ZNF525: variants seen among roughly 807,000 people sequenced by gnomAD.
ZNF525 encodes zinc finger protein 525.
In ZNF525, 33 loss-of-function variants were observed where a neutral mutation model predicts 37.6. The ratio of observed to expected loss-of-function variants is 0.88; its 90% CI spans 0.67 to 1.17. The LOEUF is 1.17. Ranked by LOEUF, ZNF525 falls within the 50% of genes most tolerant of loss-of-function variation. The pLI is 0.00. For synonymous variants in ZNF525, 170 were observed against 182.3 expected, an observed-to-expected ratio of 0.93 and a Z score of 0.54; for missense variants, 449 against 543.1, an observed-to-expected ratio of 0.83 and a Z score of 1.72.
At chr19:53,376,832 C>T (rs1414955950) in intron 3 of ZNF525, among the ~76,000 whole-genome samples, 1 of 152,120 alleles carries the variant, frequency 6.6e-6, no homozygotes, top group African/African-American at 2.4e-5. Context: ...TAGCCAGACA[C>T]GGTCGTGGGT....
At chr19:53,380,546 T>A (rs1600025263) in intron 3 of ZNF525, among the ~76,000 whole-genome samples, 176 bp from the exon 4 acceptor site, 1 of 152,214 alleles carries the variant, frequency 6.6e-6, no homozygotes, top group African/African-American at 2.4e-5. Context: ...TGCCCTTCAG[T>A]GTTTTGTCAT....
chr19:53,366,623 G>GGACA (rs1206533596), intron 1 of ZNF525, among the ~76,000 whole-genome samples: 12 of 151,276 alleles, frequency 7.9e-5, no homozygotes, highest in African/African-American at 2.4e-4. Context: ...GAGAGATGAA[G>GGACA]GACAGCAAGG....
intron 1 of ZNF525, among the ~76,000 whole-genome samples, chr19:53,366,008 G>T (rs1469603892): frequency 6.6e-6 from 1 of 152,080 alleles, no homozygotes; most frequent in African/African-American, 2.4e-5. Flanking sequence ...TAGTTTTCCT[G>T]CTCTAAACCT....
At position 53,372,237 on chromosome 19, in the gene ZNF525, G is replaced by A. The variant is rs1483108301; in HGVS notation, c.-45G>A. The A allele has an allele frequency of 2.7e-6, 2 of 733,788 alleles. No individual in the cohort carries two copies. Among genetic ancestry groups the A allele is most frequent in the Admixed American group, 2.0e-5 (1 of 50,744 alleles). The allele number at this position is 733,788 out of a possible 1,614,324, so 45.5% of individuals were successfully genotyped here. ...CAGGATTGACATCTAAAGACTCTTG[G>A]TACATGAGGAAGAAACCCGGAAAAG... On this transcript the variant is annotated 5_prime_UTR_variant, in exon 2 of 4. Coordinates refer to ENST00000474037, the MANE Select transcript of ZNF525 (RefSeq NM_001348156.2).
rs547664396 is a variant in ZNF525 at position 53,385,566 on chromosome 19, C to T, written c.*3547C>T. On this transcript the variant is annotated 3_prime_UTR_variant, in exon 4 of 4. Transcript: ENST00000474037. Reference sequence around the variant, plus strand: ...GCTGGGCATGGTGGCACATGCCTGCCGTCTCAGTTATTGTGAAGTCTGTGC... The same window carrying T: ...GCTGGGCATGGTGGCACATGCCTGCTGTCTCAGTTATTGTGAAGTCTGTGC... 70 of 153,114 alleles carry T rather than the reference C, an allele frequency of 4.6e-4. No individual in the cohort carries two copies. The highest frequency in any genetic ancestry group is 7.4e-4 in the Non-Finnish European group (51 of 68,942). 9.5% of individuals were successfully genotyped at this position (153,114 alleles called of 1,614,324 possible).
chr19:53,375,999 G>A (rs1158859097), intron 3 of ZNF525, 103 bp downstream of exon 3: 2 of 1,587,600 alleles, frequency 1.3e-6, no homozygotes, highest in Non-Finnish European at 1.7e-6. Context: ...CAAGGGTGGG[G>A]TGCAATGGTG....
intron 3 of ZNF525, among the ~76,000 whole-genome samples, chr19:53,376,786 CGTG>C (rs774799571): frequency 1.3e-5 from 2 of 152,126 alleles, no homozygotes; most frequent in African/African-American, 4.8e-5. Context: ...GCCTGTCTAA[CGTG>C]GTGAAACTCC....
chr19:53,366,731 A>C (rs1281876499), intron 1 of ZNF525, among the ~76,000 whole-genome samples: 38 of 150,022 alleles, frequency 2.5e-4, no homozygotes, highest in African/African-American at 8.8e-4. Context: ...GCTGGTGGCA[A>C]AGAGAACAGA....
At position 53,372,232 on chromosome 19, in the gene ZNF525, T is replaced by G. The variant is rs776581011; in HGVS notation, c.-50T>G. 1.4e-6 allele frequency: 1 copy of G among 727,980 alleles called. No homozygotes were observed. Among genetic ancestry groups the G allele is most frequent in the South Asian group, 1.5e-5 (1 of 66,186 alleles). The allele number at this position is 727,980 out of a possible 1,614,324, so 45.1% of individuals were successfully genotyped here. A position where few individuals can be genotyped will look rare whatever the true frequency, so the allele number is the denominator to read the frequency against. ...TCACTCAGGATTGACATCTAAAGAC[T>G]CTTGGTACATGAGGAAGAAACCCGG... On this transcript the variant is annotated 5_prime_UTR_variant, in exon 2 of 4. Transcript: ENST00000474037.
chr19:53,369,089 C>G (rs72483988), intron 1 of ZNF525, among the ~76,000 whole-genome samples: 1 of 152,028 alleles, frequency 6.6e-6, no homozygotes, highest in Non-Finnish European at 1.5e-5. Context: ...AATAGGCCCT[C>G]GGTAAAAGGG....
Position 53,384,221 on chromosome 19 carries a change from C to A in ZNF525, c.*2202C>A. Reference sequence around the variant, plus strand: ...GGACTGGGCTGTGTGGCATGGCTCACGCCTGTAATCCCAGCACTTTGGTAG... The same window carrying A: ...GGACTGGGCTGTGTGGCATGGCTCAAGCCTGTAATCCCAGCACTTTGGTAG... On this transcript the variant is annotated 3_prime_UTR_variant, in exon 4 of 4. Coordinates refer to ENST00000474037, the MANE Select transcript of ZNF525 (RefSeq NM_001348156.2). 3.6e-6 allele frequency: 1 copy of A among 276,732 alleles called. No individual in the cohort carries two copies. The highest frequency in any genetic ancestry group is 3.6e-5 in the South Asian group (1 of 27,416). 17.1% of individuals were successfully genotyped at this position (276,732 alleles called of 1,614,324 possible).
Position 53,380,717 on chromosome 19 carries a change from T to C in ZNF525, c.143-5T>C. 1 of 1,127,028 alleles carries C rather than the reference T, an allele frequency of 8.9e-7. No individual in the cohort carries two copies. The highest frequency in any genetic ancestry group is 1.3e-6 in the Non-Finnish European group (1 of 755,954). 69.8% of individuals were successfully genotyped at this position (1,127,028 alleles called of 1,614,324 possible). A position where few individuals can be genotyped will look rare whatever the true frequency, so the allele number is the denominator to read the frequency against. On this transcript the variant is annotated splice_region_variant and splice_polypyrimidine_tract_variant and intron_variant, in intron 3 of 3. Transcript: ENST00000474037. ...TGTGTACCTATTAGTGTTTATATTT[T>C]GTAGGTATCTCTTCCAAATGCACAA...
chr19:53,380,251 T>C (rs539786148), intron 3 of ZNF525, among the ~76,000 whole-genome samples: 9 of 152,122 alleles, frequency 5.9e-5, no homozygotes, highest in African/African-American at 2.2e-4. Context: ...CCACCATGCC[T>C]TGCTAAATTT....
At chr19:53,371,588 C>G (rs952190283) in intron 1 of ZNF525, among the ~76,000 whole-genome samples, 1 of 152,154 alleles carries the variant, frequency 6.6e-6, no homozygotes, top group African/African-American at 2.4e-5. Flanking sequence ...ATGCTGGTCT[C>G]AGACTTCTGA....
intron 3 of ZNF525, among the ~76,000 whole-genome samples, chr19:53,377,825 G>A: frequency 6.6e-6 from 1 of 152,240 alleles, no homozygotes; most frequent in Middle Eastern, 3.4e-3. Flanking sequence ...CTCCCAAAGT[G>A]CTGGGATTAC....
At chr19:53,371,875 C>G (rs1240249739) in intron 1 of ZNF525, among the ~76,000 whole-genome samples, 1 of 152,138 alleles carries the variant, frequency 6.6e-6, no homozygotes, top group Non-Finnish European at 1.5e-5. Context: ...TCTCAAACTC[C>G]TGAGCTCAAG....
At position 53,382,702 on chromosome 19, in the gene ZNF525, T is replaced by C; in HGVS notation, c.*683T>C. Reference sequence around the variant, plus strand: ...GTAATGCTACAACTATTGCAAATCATTGGAGAATCCATAATAAAGAGAGAC... The same window carrying C: ...GTAATGCTACAACTATTGCAAATCACTGGAGAATCCATAATAAAGAGAGAC... On this transcript the variant is annotated 3_prime_UTR_variant, in exon 4 of 4. Transcript: ENST00000474037. 2.6e-6 allele frequency: 2 copies of C among 755,598 alleles called. No individual in the cohort carries two copies. Among genetic ancestry groups the C allele is most frequent in the Non-Finnish European group, 4.8e-6 (2 of 418,442 alleles). 46.8% of individuals were successfully genotyped at this position (755,598 alleles called of 1,614,324 possible).
intron 3 of ZNF525, 114 bp downstream of exon 3, chr19:53,376,010 T>G: frequency 6.4e-7 from 1 of 1,572,160 alleles, no homozygotes; most frequent in Non-Finnish European, 8.6e-7. Context: ...TGCAATGGTG[T>G]GATCATGGCT....
chr19:53,381,044 GCCCAAA>G lies in ZNF525; in HGVS notation c.466_471del (p.Pro156_Lys157del). ...ATCTGTCTGAACTCCACATATTTCAGCCCAAAGGGAAAATTAATAATCAAGTGGAGA... is the reference window on the plus strand; with the variant it reads ...ATCTGTCTGAACTCCACATATTTCAGGGGAAAATTAATAATCAAGTGGAGA... On this transcript the variant is annotated inframe_deletion, in exon 4 of 4. Coordinates refer to ENST00000474037, the MANE Select transcript of ZNF525 (RefSeq NM_001348156.2). 6.5e-7 allele frequency: 1 copy of G among 1,545,252 alleles called. No individual in the cohort carries two copies. The highest frequency in any genetic ancestry group is 8.9e-7 in the Non-Finnish European group (1 of 1,117,354).
Sources: gnomAD v4.1 joint callset for allele counts (sites outside exome capture counted in the v4.1 genomes callset) on GRCh38, gnomAD v4.1.1 for gene constraint, MANE v1.5 for transcripts, NCBI Gene and HGNC (gene_info 2026-07-23, HGNC 2026-07-21) for gene names.